IFT56: variants seen among roughly 807,000 people sequenced by gnomAD.
IFT56 encodes intraflagellar transport 56.
chr7:139,172,465 G>T, the IFT56 span: 1 of 393,450 alleles, frequency 2.5e-6, no homozygotes, highest in South Asian at 2.1e-5. Context: ...CTGGAACCCA[G>T]AGCGCTGAGC....
the IFT56 span, among the ~76,000 whole-genome samples, chr7:139,160,515 T>A: frequency 4.6e-5 from 7 of 151,880 alleles, no homozygotes; most frequent in Admixed American, 1.3e-4. Context: ...CTGCAACCTC[T>A]GCCTCCCAGG....
the IFT56 span, chr7:139,191,856 G>C: frequency 6.6e-6 from 1 of 152,098 alleles, no homozygotes; most frequent in East Asian, 1.9e-4. Context: ...TGGCATCAGT[G>C]TACTATTTAT....
the IFT56 span, chr7:139,173,665 G>A: frequency 2.7e-5 from 21 of 773,958 alleles, no homozygotes; most frequent in Admixed American, 1.0e-4. Flanking sequence ...TATAATGCAC[G>A]TTCATATTGG....
the IFT56 span, chr7:139,181,208 A>C: frequency 6.3e-7 from 1 of 1,581,646 alleles, no homozygotes; most frequent in Non-Finnish European, 8.7e-7. Flanking sequence ...GGTGAGTCTG[A>C]CTGAGACTAA....
the IFT56 span, among the ~76,000 whole-genome samples, chr7:139,134,202 A>G: frequency 6.6e-6 from 1 of 152,070 alleles, no homozygotes; most frequent in African/African-American, 2.4e-5. Flanking sequence ...TGGCTCTTCT[A>G]GTAGAATACC....
At chr7:139,144,598 T>C in the IFT56 span, among the ~76,000 whole-genome samples, 1 of 139,542 alleles carries the variant, frequency 7.2e-6, no homozygotes, top group East Asian at 2.1e-4. Context: ...CTCCCAGTAA[T>C]ATGTATGTAT....
At chr7:139,142,813 C>G in the IFT56 span, among the ~76,000 whole-genome samples, 1 of 152,036 alleles carries the variant, frequency 6.6e-6, no homozygotes, top group African/African-American at 2.4e-5. Context: ...GCCTGGGCGA[C>G]AGCACGAGAC....
chr7:139,170,045 C>T, the IFT56 span, among the ~76,000 whole-genome samples: 1 of 152,078 alleles, frequency 6.6e-6, no homozygotes, highest in African/African-American at 2.4e-5. Context: ...ACCAATACTA[C>T]AGAAATTCAA....
At chr7:139,147,112 C>T in the IFT56 span, 2 of 1,608,586 alleles carry the variant, frequency 1.2e-6, no homozygotes, top group African/African-American at 2.7e-5. Context: ...TAATATGAAT[C>T]TTTACATGTC....
the IFT56 span, among the ~76,000 whole-genome samples, chr7:139,180,708 C>CA: frequency 0.13 from 17,207 of 131,562 alleles, 1,044 homozygotes; most frequent in East Asian, 0.31. Flanking sequence ...GACTCTGTCT[C>CA]AAAAAAAAAA....
chr7:139,148,426 CT>C, the IFT56 span: 5 of 1,527,456 alleles, frequency 3.3e-6, no homozygotes, highest in Non-Finnish European at 4.5e-6. Context: ...ATTTGAATTA[CT>C]TTATACTTTC....
the IFT56 span, chr7:139,140,018 T>C: frequency 6.9e-7 from 1 of 1,450,692 alleles, no homozygotes; most frequent in Non-Finnish European, 9.5e-7. Context: ...AAGGGGCTCT[T>C]ATATCTGATA....
At chr7:139,157,638 G>A in the IFT56 span, among the ~76,000 whole-genome samples, 2 of 151,484 alleles carry the variant, frequency 1.3e-5, no homozygotes, top group African/African-American at 2.4e-5. Flanking sequence ...CAAGTAGCTG[G>A]GACTACAGGT....
chr7:139,189,460 T>C, the IFT56 span: 3 of 1,467,376 alleles, frequency 2.0e-6, no homozygotes, highest in South Asian at 3.5e-5. Context: ...AGGAACCAGC[T>C]TCTACTTTGA....
chr7:139,158,871 G>A, the IFT56 span, among the ~76,000 whole-genome samples: 2,484 of 152,084 alleles, frequency 0.016, 68 homozygotes, highest in African/African-American at 0.056. Context: ...CTAAGATGGC[G>A]CCACTGCACT....
chr7:139,142,485 A>G, the IFT56 span, among the ~76,000 whole-genome samples: 2 of 152,138 alleles, frequency 1.3e-5, no homozygotes, highest in East Asian at 1.9e-4. Flanking sequence ...TTCTTTACCT[A>G]CTGCATTTAT....
At chr7:139,167,764 C>A in the IFT56 span, among the ~76,000 whole-genome samples, 3 of 151,880 alleles carry the variant, frequency 2.0e-5, no homozygotes, top group Admixed American at 1.3e-4. Flanking sequence ...CATGGTGAAA[C>A]CCCGTCTCTA....
the IFT56 span, among the ~76,000 whole-genome samples, chr7:139,177,630 G>GTGTGTA: frequency 7.4e-4 from 111 of 150,912 alleles, no homozygotes; most frequent in Middle Eastern, 6.8e-3. Context: ...GTGTGTGTGT[G>GTGTGTA]TATATATATC....
the IFT56 span, among the ~76,000 whole-genome samples, chr7:139,185,790 C>T: frequency 2.0e-5 from 3 of 151,856 alleles, no homozygotes; most frequent in South Asian, 6.2e-4. Flanking sequence ...ATTTACCATC[C>T]TGTATGTGTG....
Sources: allele counts gnomAD v4.1 joint callset (sites outside exome capture counted in the v4.1 genomes callset), GRCh38; gene constraint gnomAD v4.1.1; transcripts MANE v1.5; gene names NCBI Gene and HGNC (gene_info 2026-07-23, HGNC 2026-07-21).